Variants in CCDC39 observed in about 807,000 individuals in gnomAD.
The protein encoded by CCDC39 is coiled-coil domain-containing protein 39.
In CCDC39, 113 loss-of-function variants were observed where a neutral mutation model predicts 121.0. The ratio of observed to expected loss-of-function variants is 0.93; its 90% CI spans 0.80 to 1.09. CCDC39 has a LOEUF of 1.09. Ranked by LOEUF, CCDC39 falls within the 50% of genes least tolerant of loss-of-function variation. The pLI is 0.00. For synonymous variants in CCDC39, 349 were observed against 352.2 expected (o/e 0.99, Z 0.10); for missense variants, 1,063 against 1,074.7 (o/e 0.99, Z 0.15).
chr3:180,654,704 T>C, intron 7 of CCDC39, 58 bp downstream of exon 7: 2 of 1,196,362 alleles, frequency 1.7e-6, no homozygotes, highest in Non-Finnish European at 2.3e-6. Context: ...ATGCTTATTT[T>C]ATATTTTATA....
At chr3:180,619,230 A>G (rs1177324092) in intron 16 of CCDC39, 29 bp downstream of exon 16, 1 of 1,021,318 alleles carries the variant, frequency 9.8e-7, no homozygotes, top group South Asian at 1.4e-5. Flanking sequence ...TATTGAAGGC[A>G]TATTACTAAA....
At chr3:180,654,508 T>C (rs1314646291) in intron 7 of CCDC39, among the ~76,000 whole-genome samples, 2 of 151,492 alleles carry the variant, frequency 1.3e-5, no homozygotes, top group African/African-American at 4.8e-5. Context: ...AAAGGTAACC[T>C]ACAGAATGGA....
In CCDC39 at chr3:180,644,734, C is replaced by T. The variant is rs116208516; in HGVS notation, c.1528-477G>A. On this transcript the variant is annotated intron_variant, in intron 11 of 19. Coordinates refer to ENST00000476379, the MANE Select transcript of CCDC39 (RefSeq NM_181426.2). ...AAATGTTATATAAATAGTTGTTACA[C>T]TATATCATTTAGGGAATAATGACAA... 5.1e-3 allele frequency among the ~76,000 whole-genome samples: 783 copies of T among 152,250 alleles called. 9 individuals are homozygous for T. Among genetic ancestry groups the T allele is most frequent in the African/African-American group, 0.018 (732 of 41,546 alleles).
chr3:180,640,528 G>A (rs1156746396), intron 13 of CCDC39, among the ~76,000 whole-genome samples: 1 of 151,928 alleles, frequency 6.6e-6, no homozygotes, highest in African/African-American at 2.4e-5. Flanking sequence ...TGTTAATACT[G>A]ATTAACTTGT....
chr3:180,652,259 G>A lies in CCDC39; in HGVS notation c.938C>T (p.Ser313Phe), dbSNP rs1276039410. 1 of 1,506,036 alleles carries A rather than the reference G, an allele frequency of 6.6e-7. No individual in the cohort carries two copies. The highest frequency in any genetic ancestry group is 1.4e-5 in the African/African-American group (1 of 71,234). The allele number at this position is 1,506,036 out of a possible 1,614,324, so 93.3% of individuals were successfully genotyped here. The change falls in exon 8 of 20, where the codon TCT becomes TTT. Residue 313 changes from serine (S) to phenylalanine (F), a missense_variant. Physicochemically the swap from Ser to Phe is radical, Grantham distance 155. Coordinates refer to ENST00000476379, the MANE Select transcript of CCDC39 (RefSeq NM_181426.2). ...AGTTCTATTCACAGTGGCTTTTAAA[G>A]AATCCAGCTATTTATTAGTTAACAG... ...SRIQLKGELD[S>F]LKATVNRTSS...
chr3:180,616,857 T>C lies in CCDC39; in HGVS notation c.2375A>G (p.Gln792Arg). 1.2e-6 allele frequency: 2 copies of C among 1,608,894 alleles called. No individual in the cohort carries two copies. Among genetic ancestry groups the C allele is most frequent in the East Asian group, 2.2e-5 (1 of 44,746 alleles). ...SFQLSKETEE[Q>R]KPKLERVTKQ... ...GGTCACTCTTTCTAATTTTGGCTTCTGCTCCTCCGTTTCTTTACTTAGTTG... is the reference window on the plus strand; with the variant it reads ...GGTCACTCTTTCTAATTTTGGCTTCCGCTCCTCCGTTTCTTTACTTAGTTG... Residue 792 changes from glutamine to arginine, a missense_variant, in exon 17 of 20, where the codon CAG (glutamine) becomes CGG (arginine). Physicochemically the swap from Gln to Arg is conservative, Grantham distance 43 (BLOSUM62 1). Transcript: ENST00000476379.
rs1717353146 is a variant in CCDC39 at position 180,619,138 on chromosome 3, C to G, written c.2265+121G>C. 6.2e-6 allele frequency: 4 copies of G among 646,004 alleles called. No individual in the cohort carries two copies. In the East Asian group the frequency reaches 1.1e-4, roughly 18 times the overall value. The allele number at this position is 646,004 out of a possible 1,614,324, so 40.0% of individuals were successfully genotyped here. A position where few individuals can be genotyped will look rare whatever the true frequency, so the allele number is the denominator to read the frequency against. ...TGAGACTGTTATCTCTTACTATCTACTTCCCTAAAAGAGATTCTAAATAAC... is the reference window on the plus strand; with the variant it reads ...TGAGACTGTTATCTCTTACTATCTAGTTCCCTAAAAGAGATTCTAAATAAC... On this transcript the variant is annotated intron_variant, in intron 16 of 19. Transcript: ENST00000476379.
chr3:180,619,736 A>G, intron 15 of CCDC39, 75 bp downstream of exon 15: 3 of 882,146 alleles, frequency 3.4e-6, no homozygotes, highest in Non-Finnish European at 4.9e-6. Flanking sequence ...GTTCTTCCTC[A>G]TGTCTCACAG....
intron 6 of CCDC39, among the ~76,000 whole-genome samples, chr3:180,658,538 A>G (rs1711645394): frequency 6.6e-6 from 1 of 151,882 alleles, no homozygotes; most frequent in Non-Finnish European, 1.5e-5. Flanking sequence ...TGGAGCTTGC[A>G]GTGAGCAGAG....
At chr3:180,663,096 C>A (rs1438892559) in intron 2 of CCDC39, among the ~76,000 whole-genome samples, 1 of 151,922 alleles carries the variant, frequency 6.6e-6, no homozygotes, top group African/African-American at 2.4e-5. Context: ...TAATGTCTTC[C>A]CCAGTTATCT....
intron 13 of CCDC39, among the ~76,000 whole-genome samples, chr3:180,636,392 T>C (rs1459548524): frequency 6.6e-6 from 1 of 151,742 alleles, no homozygotes; most frequent in Non-Finnish European, 1.5e-5. Flanking sequence ...GGAATACAGC[T>C]AACCAGGGAG....
At chr3:180,649,667 C>T (rs1718151900) in intron 9 of CCDC39, among the ~76,000 whole-genome samples, 1 of 151,900 alleles carries the variant, frequency 6.6e-6, no homozygotes, top group Admixed American at 6.6e-5. Flanking sequence ...AAACAAAAAC[C>T]AACAGCAATG....
intron 12 of CCDC39, among the ~76,000 whole-genome samples, chr3:180,642,707 ATACT>A (rs1233493281): frequency 1.3e-5 from 2 of 152,176 alleles, no homozygotes; most frequent in Admixed American, 1.3e-4. Context: ...GAGAGATTAG[ATACT>A]TACATCTCAC....
chr3:180,618,715 T>C (rs900793460), intron 16 of CCDC39, among the ~76,000 whole-genome samples: 4 of 152,158 alleles, frequency 2.6e-5, no homozygotes, highest in Admixed American at 6.6e-5. Context: ...GCTTCATCCA[T>C]GTCCCTACAA....
chr3:180,619,372 T>G lies in CCDC39; in HGVS notation c.2159-7A>C. On this transcript the variant is annotated splice_region_variant and splice_polypyrimidine_tract_variant and intron_variant, in intron 15 of 19. Transcript: ENST00000476379. Reference sequence around the variant, plus strand: ...TTTAGCTCATACTCATCACCTGAAATGTAGAACATTTTTAGTTTAAAATTT... The same window carrying G: ...TTTAGCTCATACTCATCACCTGAAAGGTAGAACATTTTTAGTTTAAAATTT... 2 of 1,338,306 alleles carry G rather than the reference T, an allele frequency of 1.5e-6. No individual in the cohort carries two copies. Among genetic ancestry groups the G allele is most frequent in the Non-Finnish European group, 2.1e-6 (2 of 963,626 alleles). 82.9% of individuals were successfully genotyped at this position (1,338,306 alleles called of 1,614,324 possible).
chr3:180,616,527 A>T lies in CCDC39; in HGVS notation c.2575T>A (p.Tyr859Asn). 4 of 1,552,130 alleles carry T rather than the reference A, an allele frequency of 2.6e-6. No homozygotes were observed. The South Asian group carries it at 5.0e-5, about 19-fold the overall frequency. Residue 859 changes from tyrosine (Y) to asparagine (N), a missense_variant, in exon 18 of 20, where the codon TAC becomes AAC. By Grantham distance (143) the Tyr-to-Asn change is moderately radical. Coordinates refer to ENST00000476379, the MANE Select transcript of CCDC39 (RefSeq NM_181426.2). ...NTEIRIILQT[Y>N]FQQSGLELPT... is the part of the protein sequence containing the mutation. ...AGGTGCTGTATTACCTGTTGAAAGT[A>T]TGTTTGAAGGATAATACGGATCTCA...
chr3:180,615,866 A>G (rs1028351687), intron 19 of CCDC39, among the ~76,000 whole-genome samples: 1 of 152,214 alleles, frequency 6.6e-6, no homozygotes, highest in African/African-American at 2.4e-5. Context: ...TGATTATGTA[A>G]AATACCACAG....
rs536503358 is a variant in CCDC39 at position 180,676,188 on chromosome 3, A to G, written c.90+3103T>C. Among the ~76,000 whole-genome samples the G allele has an allele frequency of 4.0e-3, 603 of 152,350 alleles. 9 individuals carry two copies. The highest frequency in any genetic ancestry group is 0.014 in the African/African-American group (572 of 41,588). On this transcript the variant is annotated intron_variant, in intron 1 of 19. Coordinates refer to ENST00000476379, the MANE Select transcript of CCDC39 (RefSeq NM_181426.2). ...GAGCTTCTGCACAGCAAAAGAAACT[A>G]CCATCAGAATGAACAGGCAAACTAC...
At chr3:180,621,520 T>C (rs983655896) in intron 14 of CCDC39, among the ~76,000 whole-genome samples, 3 of 152,172 alleles carry the variant, frequency 2.0e-5, no homozygotes, top group African/African-American at 7.2e-5. Flanking sequence ...CATATTCTTC[T>C]TGGCCATTTG....
Sources: gnomAD v4.1 joint callset for allele counts (sites outside exome capture counted in the v4.1 genomes callset) on GRCh38, gnomAD v4.1.1 for gene constraint, MANE v1.5 for transcripts, NCBI Gene and HGNC (gene_info 2026-07-23, HGNC 2026-07-21) for gene names.